CHRM3: variants seen among roughly 807,000 people sequenced by gnomAD.
The protein encoded by CHRM3 is muscarinic acetylcholine receptor M3.
In CHRM3, 11 loss-of-function variants were observed where a neutral mutation model predicts 41.8. The ratio of observed to expected loss-of-function variants is 0.26; its 90% CI spans 0.17 to 0.44. The LOEUF (loss-of-function observed/expected upper bound fraction) is 0.44. Among genes scored for constraint, CHRM3 ranks in the 20% least tolerant of loss-of-function variants. The probability of loss-of-function intolerance (pLI) is 1.00; values close to 1 mark genes in which losing one functional copy is unlikely to be tolerated. For synonymous variants in CHRM3, 297 were observed against 301.4 expected (o/e 0.99, Z 0.15); for missense variants, 571 against 745.4 (o/e 0.77, Z 2.72).
chr1:239,821,613 C>T (rs185173551), intron 5 of CHRM3, among the ~76,000 whole-genome samples: 5 of 152,292 alleles, frequency 3.3e-5, no homozygotes, highest in South Asian at 2.1e-4. Context: ...TCACCATGCA[C>T]GTCAACACAC....
intron 1 of CHRM3, among the ~76,000 whole-genome samples, chr1:239,406,031 A>G (rs1267291451): frequency 1.3e-5 from 2 of 152,166 alleles, no homozygotes; most frequent in Non-Finnish European, 2.9e-5. Flanking sequence ...AGCTGGGACT[A>G]CAGGCACCTG....
At chr1:239,705,462 G>C (rs1001936835) in intron 5 of CHRM3, 2 of 152,216 alleles carry the variant, frequency 1.3e-5, no homozygotes, top group Admixed American at 1.3e-4. Context: ...GGCTCCTCCT[G>C]ACAGCTGTGA....
At chr1:239,711,046 C>T (rs897911115) in intron 5 of CHRM3, among the ~76,000 whole-genome samples, 12 of 152,158 alleles carry the variant, frequency 7.9e-5, no homozygotes, top group Non-Finnish European at 1.8e-4. Flanking sequence ...CAATACCGCC[C>T]TGAGTTTCCA....
Position 239,668,089 on chromosome 1 carries a change from CTTTTTTTTT to C in CHRM3, c.-249-10078_-249-10070del, listed in dbSNP as rs1221135009. On this transcript the variant is annotated intron_variant, in intron 4 of 6. Transcript: ENST00000676153. ...TTTTCTTTTCTTTTTTTTCCCCTTT[CTTTTTTTTT>C]TTTTTTTTTTTTTTTTTTGAGACAG... Among the ~76,000 whole-genome samples the C allele has an allele frequency of 2.1e-4, 16 of 75,592 alleles. 1 individual carries two copies. Among genetic ancestry groups the C allele is most frequent in the Non-Finnish European group, 3.7e-4 (14 of 37,846 alleles). 49.6% of individuals were successfully genotyped at this position (75,592 alleles called of 152,430 possible).
At chr1:239,633,293 G>A (rs1670069877) in intron 4 of CHRM3, among the ~76,000 whole-genome samples, 1 of 152,168 alleles carries the variant, frequency 6.6e-6, no homozygotes, top group South Asian at 2.1e-4. Flanking sequence ...CATAGCGGCA[G>A]GAGAGCGGGG....
chr1:239,436,027 TAG>T (rs1663238387), intron 1 of CHRM3, among the ~76,000 whole-genome samples: 1 of 152,078 alleles, frequency 6.6e-6, no homozygotes, highest in Non-Finnish European at 1.5e-5. Context: ...TTTTTGAAAA[TAG>T]TCGTGGAAGA....
chr1:239,755,059 G>A (rs1420968222), intron 5 of CHRM3, among the ~76,000 whole-genome samples: 2 of 152,080 alleles, frequency 1.3e-5, no homozygotes, highest in Non-Finnish European at 2.9e-5. Flanking sequence ...ATTTTACTGA[G>A]GTAGAATCCT....
intron 2 of CHRM3, among the ~76,000 whole-genome samples, chr1:239,507,609 A>T: frequency 6.6e-6 from 1 of 152,368 alleles, no homozygotes; most frequent in Middle Eastern, 3.4e-3. Context: ...ATGAAAACAT[A>T]AAGATATCAC....
intron 6 of CHRM3, among the ~76,000 whole-genome samples, chr1:239,848,825 G>A (rs987489969): frequency 1.1e-4 from 16 of 152,196 alleles, no homozygotes; most frequent in African/African-American, 3.6e-4. Flanking sequence ...AATGCAACTT[G>A]ACTCATTAAA....
intron 5 of CHRM3, among the ~76,000 whole-genome samples, chr1:239,743,001 A>C (rs1228038249): frequency 6.6e-6 from 1 of 152,210 alleles, no homozygotes; most frequent in African/African-American, 2.4e-5. Flanking sequence ...TCATGTCAGA[A>C]TATGTTCAGT....
intron 5 of CHRM3, among the ~76,000 whole-genome samples, chr1:239,694,749 C>A (rs1325306462): frequency 6.6e-6 from 1 of 152,060 alleles, no homozygotes; most frequent in Non-Finnish European, 1.5e-5. Context: ...TTAAGATAAA[C>A]AATATCCTAA....
intron 3 of CHRM3, among the ~76,000 whole-genome samples, chr1:239,618,843 GAAAAAAA>G (rs1174760989): frequency 2.6e-5 from 2 of 76,784 alleles, no homozygotes; most frequent in Admixed American, 1.6e-4. Context: ...GACTCTGTCA[GAAAAAAA>G]AAAAAAAAAA....
chr1:239,552,595 G>T (rs1417474776), intron 3 of CHRM3, among the ~76,000 whole-genome samples: 1 of 146,834 alleles, frequency 6.8e-6, no homozygotes, highest in Non-Finnish European at 1.5e-5. Context: ...CCAAATAGCT[G>T]GGACTACAGG....
chr1:239,393,413 C>T (rs1182710533), intron 1 of CHRM3, among the ~76,000 whole-genome samples: 1 of 152,176 alleles, frequency 6.6e-6, no homozygotes, highest in Admixed American at 6.5e-5. Context: ...AGTTCTCATA[C>T]TTGAAATAGA....
chr1:239,674,896 C>CAAT (rs1553360528), intron 4 of CHRM3, among the ~76,000 whole-genome samples: 1 of 152,038 alleles, frequency 6.6e-6, no homozygotes, highest in African/African-American at 2.4e-5. Flanking sequence ...GTGAATTAAT[C>CAAT]AATACCTGGT....
intron 1 of CHRM3, among the ~76,000 whole-genome samples, chr1:239,451,876 C>T (rs1394259490): frequency 6.6e-6 from 1 of 151,838 alleles, no homozygotes; most frequent in Non-Finnish European, 1.5e-5. Flanking sequence ...TTTAGAAAAC[C>T]TATTTCATTA....
At chr1:239,522,643 T>G (rs1229689575) in intron 2 of CHRM3, among the ~76,000 whole-genome samples, 1 of 152,174 alleles carries the variant, frequency 6.6e-6, no homozygotes, top group African/African-American at 2.4e-5. Flanking sequence ...TGTGGAGAAA[T>G]GGGCTTTCTG....
At chr1:239,881,802 G>A (rs781738915) in intron 6 of CHRM3, among the ~76,000 whole-genome samples, 4 of 152,100 alleles carry the variant, frequency 2.6e-5, no homozygotes, top group Non-Finnish European at 5.9e-5. Flanking sequence ...GGGACAAACA[G>A]GACCATTTTG....
At position 239,461,301 on chromosome 1, in the gene CHRM3, C is replaced by A. The variant is rs533107005; in HGVS notation, c.-520-31408C>A. Among the ~76,000 whole-genome samples the A allele has an allele frequency of 5.9e-5, 9 of 152,164 alleles. 1 individual carries two copies. The highest frequency in any genetic ancestry group is 2.2e-4 in the African/African-American group (9 of 41,504). On this transcript the variant is annotated intron_variant, in intron 1 of 6. Transcript: ENST00000676153. The stretch of plus-strand genomic sequence containing the variant: ...AATGAAGGCATTATAACTTAGAAAT[C>A]ATATATGAATCCTTCTGAGAGTAGA...
Sources: allele counts gnomAD v4.1 joint callset (sites outside exome capture counted in the v4.1 genomes callset), GRCh38; gene constraint gnomAD v4.1.1; transcripts MANE v1.5; gene names NCBI Gene and HGNC (gene_info 2026-07-23, HGNC 2026-07-21).